JMJD6: variants seen among roughly 807,000 people sequenced by gnomAD.
JMJD6 encodes bifunctional arginine demethylase and lysyl-hydroxylase JMJD6.
A neutral mutation model predicts 45.8 loss-of-function variants in JMJD6; 17 were observed. The observed-to-expected ratio is 0.37, with a 90% CI of 0.25 to 0.56. JMJD6 has a LOEUF of 0.56. Ranked by LOEUF, JMJD6 falls within the 20% of genes least tolerant of loss-of-function variation. The pLI, the probability that JMJD6 is intolerant of heterozygous loss-of-function variation, is 0.79. For missense variants in JMJD6, 470 were observed against 517.5 expected (o/e 0.91, Z 0.89); for synonymous variants, 221 against 196.3 (o/e 1.13, Z -1.05).
chr17:76,716,466 T>A (rs908264068), downstream of JMJD6: 9 of 539,952 alleles, frequency 1.7e-5, no homozygotes, highest in Admixed American at 2.3e-4. Flanking sequence ...TTAGCTTCAG[T>A]GTTTCACTGA....
chr17:76,723,440 CTTTCT>C (rs1400581165), intron 3 of JMJD6, among the ~76,000 whole-genome samples: 9 of 67,172 alleles, frequency 1.3e-4, no homozygotes, highest in South Asian at 7.4e-4. Context: ...AAAGAATGTA[CTTTCT>C]TTTTTTTTTT....
In JMJD6 at chr17:76,718,878, G is replaced by C. The variant is rs763078236; in HGVS notation, c.1081-18C>G. 1 of 1,609,260 alleles carries C rather than the reference G, an allele frequency of 6.2e-7. No individual in the cohort carries two copies. Among genetic ancestry groups the C allele is most frequent in the Non-Finnish European group, 8.5e-7 (1 of 1,177,872 alleles). On this transcript the variant is annotated intron_variant, in intron 5 of 5. Transcript: ENST00000397625. ...GACTCGCACTGGACACAGGAGGACA[G>C]AAAACAAGGAGTCAACCTGGATGCA...
chr17:76,725,883 G>GT (rs1347525330), intron 1 of JMJD6, 28 bp from the exon 2 acceptor site: 3 of 1,497,678 alleles, frequency 2.0e-6, no homozygotes, highest in African/African-American at 1.5e-5. Flanking sequence ...GACCTGTCCA[G>GT]TTAAAAAAAA....
chr17:76,716,616 G>C (rs2076765875), downstream of JMJD6: 3 of 1,403,420 alleles, frequency 2.1e-6, no homozygotes, highest in Admixed American at 1.7e-5. Flanking sequence ...AGCAGAAGAT[G>C]CGAGAACTGA....
At position 76,725,841 on chromosome 17, in the gene JMJD6, C is replaced by T; in HGVS notation, c.144G>A (p.Arg48=). Residue 48 remains arginine (R), a synonymous_variant, in exon 2 of 6, where the codon AGG becomes AGA. Coordinates refer to ENST00000397625, the MANE Select transcript of JMJD6 (RefSeq NM_015167.3). The stretch of plus-strand genomic sequence containing the variant: ...CCACAGACAGCTGTAAAGCATCTGC[C>T]CTTTCCACGTTATCCTGAGGGAATT... ...SPAAVADNVE[R]ADALQLSVEE... The T allele has an allele frequency of 6.2e-7, 1 of 1,611,344 alleles. No homozygotes were observed. The highest frequency in any genetic ancestry group is 8.5e-7 in the Non-Finnish European group (1 of 1,179,240).
In JMJD6 at chr17:76,718,805, G is replaced by A. The variant is rs377582812; in HGVS notation, c.1136C>T (p.Thr379Met). 2.4e-5 allele frequency: 38 copies of A among 1,614,210 alleles called. No homozygotes were observed. Among genetic ancestry groups the A allele is most frequent in the African/African-American group, 1.3e-4 (10 of 75,066 alleles). Residue 379 changes from threonine (T) to methionine (M), a missense_variant, in exon 6 of 6, where the codon ACG becomes ATG. By Grantham distance (81) the Thr-to-Met change is moderately conservative. Transcript: ENST00000397625. Reference sequence around the variant, plus strand: ...GTCCCCGTTTCCCACCATGCTGCACGTCCTCCTCTTCTTCCTGCGGTGCAC... The same window carrying A: ...GTCCCCGTTTCCCACCATGCTGCACATCCTCCTCTTCTTCCTGCGGTGCAC... ...GTVHRRKKRR[T>M]CSMVGNGDTT...
rs773914300 is a variant in JMJD6, at chr17:76,726,369, G to C, written c.107C>G (p.Ser36Trp). 2 of 1,596,644 alleles carry C rather than the reference G, an allele frequency of 1.3e-6. No homozygotes were observed. Among genetic ancestry groups the C allele is most frequent in the Admixed American group, 1.7e-5 (1 of 58,668 alleles). The change falls in exon 1 of 6, where the codon TCG (serine) becomes TGG (tryptophan). Residue 36 changes from serine to tryptophan, a missense_variant. Transcript: ENST00000397625. ...WTRHNYYESFSLSPAAVADNV... is the reference protein window; with the variant it reads ...WTRHNYYESFWLSPAAVADNV... The stretch of plus-strand genomic sequence containing the variant: ...CACCGCCACGGCCGCCGGGCTCAGC[G>C]AGAAGCTCTCGTAGTAGTTGTGCCG...
intron 3 of JMJD6, among the ~76,000 whole-genome samples, chr17:76,723,452 T>C (rs1186808951): frequency 6.6e-6 from 1 of 151,820 alleles, no homozygotes; most frequent in Non-Finnish European, 1.5e-5. Context: ...TTCTTTTTTT[T>C]TTTTTTGAGA....
chr17:76,724,803 G>A (rs1446895701), intron 2 of JMJD6, among the ~76,000 whole-genome samples: 4 of 151,476 alleles, frequency 2.6e-5, no homozygotes. Context: ...GACGACAGAG[G>A]GAGACTCCAT....
Position 76,718,566 on chromosome 17 carries a change from C to A in JMJD6, c.*163G>T. On this transcript the variant is annotated 3_prime_UTR_variant, in exon 6 of 6. Coordinates refer to ENST00000397625, the MANE Select transcript of JMJD6 (RefSeq NM_015167.3). Reference sequence around the variant, plus strand: ...ATCTGCATTGGTAGCAGAGGGAAAGCTACTGGAGCAAACGCTAAGTGAATG... The same window carrying A: ...ATCTGCATTGGTAGCAGAGGGAAAGATACTGGAGCAAACGCTAAGTGAATG... 7.1e-7 allele frequency: 1 copy of A among 1,406,532 alleles called. No homozygotes were observed. Among genetic ancestry groups the A allele is most frequent in the Middle Eastern group, 1.9e-4 (1 of 5,232 alleles). 87.1% of individuals were successfully genotyped at this position (1,406,532 alleles called of 1,614,324 possible). A position where few individuals can be genotyped will look rare whatever the true frequency, so the allele number is the denominator to read the frequency against.
At chr17:76,713,356 C>T (rs778912038) in exon 7 of JMJD6, 2 of 152,240 alleles carry the variant, frequency 1.3e-5, no homozygotes, top group Non-Finnish European at 2.9e-5. Flanking sequence ...CCATGGCCTC[C>T]CAAAGTGCTG....
chr17:76,726,209 C>A, intron 1 of JMJD6, 138 bp downstream of exon 1: 1 of 1,235,550 alleles, frequency 8.1e-7, no homozygotes, highest in Non-Finnish European at 1.1e-6. Flanking sequence ...CTCGGGGACC[C>A]CAAACTCCGC....
Position 76,725,480 on chromosome 17 carries a change from T to C in JMJD6, c.505A>G (p.Arg169Gly), listed in dbSNP as rs1330368014. The change falls in exon 2 of 6, where the codon AGG (arginine) becomes GGG (glycine). Residue 169 changes from arginine (R) to glycine (G), a missense_variant. Transcript: ENST00000397625. ...AGAATACTTTACCTGTAAGGGGGCC[T>C]GCGCTTCTCCCCAGCATACTGGAAA... is the stretch of plus-strand genomic sequence containing the variant. ...DLFQYAGEKR[R>G]PPYRWFVMGP... 1 of 1,609,466 alleles carries C rather than the reference T, an allele frequency of 6.2e-7. No homozygotes were observed. Among genetic ancestry groups the C allele is most frequent in the African/African-American group, 1.3e-5 (1 of 74,302 alleles).
At chr17:76,717,871 A>C (rs2143718300), downstream of JMJD6, among the ~76,000 whole-genome samples, 1 of 151,944 alleles carries the variant, frequency 6.6e-6, no homozygotes, top group South Asian at 2.1e-4. Flanking sequence ...CATGCCTGTA[A>C]TCCCAGCTAC....
At chr17:76,721,270 G>A in intron 4 of JMJD6, 1 of 428,782 alleles carries the variant, frequency 2.3e-6, no homozygotes, top group Non-Finnish European at 4.8e-6. Context: ...TACCCCGAGA[G>A]CTGGTCCCTC....
chr17:76,712,903 C>T (rs1257209940), exon 7 of JMJD6: 3 of 152,182 alleles, frequency 2.0e-5, no homozygotes, highest in African/African-American at 4.8e-5. Flanking sequence ...AAAATACCAA[C>T]CCAATAGCAG....
In JMJD6 at chr17:76,723,241, G is replaced by A. The variant is rs111770439; in HGVS notation, c.805+531C>T. Among the ~76,000 whole-genome samples, 1,122 of 151,860 alleles carry A rather than the reference G, an allele frequency of 7.4e-3. 12 individuals carry two copies. Among genetic ancestry groups the A allele is most frequent in the Non-Finnish European group, 0.013 (912 of 67,900 alleles). On this transcript the variant is annotated intron_variant, in intron 3 of 5. Transcript: ENST00000397625. ...TATTACAGGTGTGAGCCACCGCACC[G>A]GGCCTGCATACAGTTTATCAGGTTT...
rs201523447 is a variant in JMJD6, at chr17:76,718,683, C to A, written c.*46G>T. On this transcript the variant is annotated 3_prime_UTR_variant, in exon 6 of 6. Coordinates refer to ENST00000397625, the MANE Select transcript of JMJD6 (RefSeq NM_015167.3). ...ACAGGCCACCCTCCCCAGGCCCTGC[C>A]CTTGCCGCGAGCGTGTCCTTCCATA... The A allele has an allele frequency of 6.3e-7, 1 of 1,598,916 alleles. No homozygotes were observed.
At chr17:76,721,714 A>G in intron 4 of JMJD6, 84 bp downstream of exon 4, 3 of 1,428,136 alleles carry the variant, frequency 2.1e-6, no homozygotes, top group Admixed American at 3.5e-5. Flanking sequence ...CGATCAGCAC[A>G]CATCATCGCA....
Sources: allele counts gnomAD v4.1 joint callset (sites outside exome capture counted in the v4.1 genomes callset), GRCh38; gene constraint gnomAD v4.1.1; transcripts MANE v1.5; gene names NCBI Gene and HGNC (gene_info 2026-07-23, HGNC 2026-07-21).